The following KCNG1 variants were observed in gnomAD, a reference collection of about 807,000 sequenced individuals.
The protein encoded by KCNG1 is voltage-gated potassium channel regulatory subunit KCNG1.
A neutral mutation model predicts 32.4 loss-of-function variants in KCNG1; 17 were observed. The ratio of observed to expected loss-of-function variants is 0.52; its 90% confidence interval spans 0.36 to 0.79. The LOEUF (loss-of-function observed/expected upper bound fraction) is 0.79, where lower values mean the gene tolerates loss of function less well. Among genes scored for constraint, KCNG1 ranks in the 30% least tolerant of loss-of-function variants. The pLI is 0.00. For synonymous variants in KCNG1, 358 were observed against 339.9 expected (o/e 1.05, Z -0.59); for missense variants, 441 against 735.2 (o/e 0.60, Z 4.63).
intron 2 of KCNG1, among the ~76,000 whole-genome samples, chr20:51,008,923 C>G (rs879513719): frequency 1.3e-5 from 2 of 152,182 alleles, no homozygotes; most frequent in African/African-American, 4.8e-5. Flanking sequence ...GGAGATAAGA[C>G]GTAGTTGGCA....
rs1987736059 is a variant in KCNG1 at position 51,004,395 on chromosome 20, A to G, written c.1186T>C (p.Tyr396His). ...VAIALFAPLL[Y>H]VIENEMADSP... ...TCGGCCATCTCGTTCTCGATGACGT[A>G]GAGCAGGGGCGCGAAGAGGGCGATG... The change falls in exon 3 of 3, where the codon TAC becomes CAC. Residue 396 changes from tyrosine (Y) to histidine (H), a missense_variant. This residue lies in a region of KCNG1 where 169 missense variants were observed against 297.7 expected (regional missense o/e 0.57). Coordinates refer to ENST00000371571, the MANE Select transcript of KCNG1 (RefSeq NM_002237.4). This position sits in a 1 kb window ranked among gnomAD's most constrained non-coding sequence, Gnocchi z 4.3. The G allele has an allele frequency of 6.2e-7, 1 of 1,613,122 alleles. No individual in the cohort carries two copies. Among genetic ancestry groups the G allele is most frequent in the Admixed American group, 1.7e-5 (1 of 59,988 alleles).
chr20:51,012,161 T>C (rs1167853169), intron 1 of KCNG1, among the ~76,000 whole-genome samples: 3 of 152,208 alleles, frequency 2.0e-5, no homozygotes, highest in African/African-American at 7.2e-5. Flanking sequence ...CCACTTGCCA[T>C]AAATCAGAAG....
In KCNG1 at chr20:51,004,525, G is replaced by A. The variant is rs1290973440; in HGVS notation, c.1056C>T (p.Tyr352=). The stretch of plus-strand genomic sequence containing the variant: ...GGGAGTGGCGCGCCAGGCGCATCAC[G>A]TACAGGATGCGCAGCGCCCGCAGCA... The part of the protein sequence containing the change: ...LRVLRALRIL[Y]VMRLARHSLG... The change falls in exon 3 of 3, where the codon TAC becomes TAT. Residue 352 remains tyrosine, a synonymous_variant. Transcript: ENST00000371571. The surrounding 1 kb of genome is among the most constrained non-coding windows in gnomAD (Gnocchi z 4.3). The A allele has an allele frequency of 4.4e-6, 7 of 1,591,494 alleles. No homozygotes were observed. Among genetic ancestry groups the A allele is most frequent in the Non-Finnish European group, 6.0e-6 (7 of 1,170,040 alleles).
rs758172905 is a variant in KCNG1 at position 51,010,170 on chromosome 20, G to A, written c.169C>T (p.Gln57Ter). ...ATCCGACGGCGGCGGTCCTCGGGCTGACAGCCCTGGCGGGGCTCATCCTGC... is the reference window on the plus strand; with the variant it reads ...ATCCGACGGCGGCGGTCCTCGGGCTAACAGCCCTGGCGGGGCTCATCCTGC... ...RPQDEPRQGC[Q>*]PEDRRRRIII... Residue 57 changes from glutamine to a stop codon, truncating the protein, a stop_gained, in exon 2 of 3, where the codon CAG (glutamine) becomes TAG (stop). Transcript: ENST00000371571. LOFTEE classifies it high-confidence loss of function. 6.2e-7 allele frequency: 1 copy of A among 1,607,718 alleles called. No individual in the cohort carries two copies. The highest frequency in any genetic ancestry group is 1.7e-5 in the Admixed American group (1 of 59,908).
At chr20:51,017,699 A>G (rs1988329701) in intron 1 of KCNG1, among the ~76,000 whole-genome samples, 1 of 152,152 alleles carries the variant, frequency 6.6e-6, no homozygotes, top group South Asian at 2.1e-4. Context: ...GAGCATGTTC[A>G]CAGGCTCTCA....
chr20:51,008,968 G>A (rs1365570797), intron 2 of KCNG1, among the ~76,000 whole-genome samples: 1 of 152,198 alleles, frequency 6.6e-6, no homozygotes, highest in Non-Finnish European at 1.5e-5. Context: ...TGAACTCCCA[G>A]ATGAGTGGGA....
rs1031114427 is a variant in KCNG1, at chr20:51,005,149, C to G, written c.775-343G>C. On this transcript the variant is annotated intron_variant, in intron 2 of 2. Transcript: ENST00000371571. The surrounding 1 kb of genome is among the most constrained non-coding windows in gnomAD (Gnocchi z 4.0). ...CTCTGCCCACTGGTGGTTTCCCTCC[C>G]TAGCTTTAGGCAATCCCATCTTTCC... 4 of 233,952 alleles carry G rather than the reference C, an allele frequency of 1.7e-5. No homozygotes were observed. Among genetic ancestry groups the G allele is most frequent in the Non-Finnish European group, 2.5e-5 (3 of 122,418 alleles). 14.5% of individuals were successfully genotyped at this position (233,952 alleles called of 1,614,324 possible). A position where few individuals can be genotyped will look rare whatever the true frequency, so the allele number is the denominator to read the frequency against.
At position 51,010,158 on chromosome 20, in the gene KCNG1, G is replaced by A; in HGVS notation, c.181C>T (p.Arg61Cys). ...ACGTTGATGATGATCCGACGGCGGC[G>A]GTCCTCGGGCTGACAGCCCTGGCGG... ...EPRQGCQPED[R>C]RRRIIINVGG... The change falls in exon 2 of 3, where the codon CGC becomes TGC. Residue 61 changes from arginine (R) to cysteine (C), a missense_variant. Physicochemically the swap from Arg to Cys is radical, Grantham distance 180 (BLOSUM62 -3). This residue lies in a region of KCNG1 where 85 missense variants were observed against 98.2 expected (regional missense o/e 0.87). Coordinates refer to ENST00000371571, the MANE Select transcript of KCNG1 (RefSeq NM_002237.4). The A allele has an allele frequency of 6.2e-7, 1 of 1,609,854 alleles. No homozygotes were observed. Among genetic ancestry groups the A allele is most frequent in the Non-Finnish European group, 8.5e-7 (1 of 1,178,060 alleles).
chr20:51,011,921 C>T lies in KCNG1; in HGVS notation c.-26-1557G>A, dbSNP rs372645879. ...AAGCAATTCTCGTGCCTCAGCCTCC[C>T]GAATAGCTGGGACTACAGGTGTGCC... On this transcript the variant is annotated intron_variant, in intron 1 of 2. Coordinates refer to ENST00000371571, the MANE Select transcript of KCNG1 (RefSeq NM_002237.4). Among the ~76,000 whole-genome samples the T allele has an allele frequency of 3.7e-4, 56 of 152,244 alleles. 2 individuals carry two copies. In the East Asian group the frequency reaches 8.5e-3, roughly 23 times the overall value.
Position 51,011,774 on chromosome 20 carries a change from T to C in KCNG1, c.-26-1410A>G, listed in dbSNP as rs372888918. Among the ~76,000 whole-genome samples the C allele has an allele frequency of 2.9e-4, 44 of 152,290 alleles. No homozygotes were observed. The East Asian group carries it at 6.6e-3, about 23-fold the overall frequency. ...ATTTAATGCAGTGCCTGGCACATAG[T>C]AGGTATTCAGTAACTATTGTCTATT... On this transcript the variant is annotated intron_variant, in intron 1 of 2. Coordinates refer to ENST00000371571, the MANE Select transcript of KCNG1 (RefSeq NM_002237.4).
rs561547195 is a variant in KCNG1, at chr20:51,009,773, A to G, written c.566T>C (p.Leu189Pro). The G allele has an allele frequency of 6.2e-7, 1 of 1,610,964 alleles. No homozygotes were observed. Among genetic ancestry groups the G allele is most frequent in the Admixed American group, 1.7e-5 (1 of 60,018 alleles). ...CTCGCTGTCGCGGCCCTCGCTGTCC[A>G]GCGCGTCGTCCTCTTCCTCCCGCTC... The part of the protein sequence containing the change: ...MVEREEEDDA[L>P]DSEGRDSEGP... Residue 189 changes from leucine to proline, a missense_variant, in exon 2 of 3, where the codon CTG (leucine) becomes CCG (proline). Around this residue, in one of 6 missense-constraint regions of KCNG1, gnomAD observed 52 missense variants for 50.3 expected, o/e 1.03. Transcript: ENST00000371571.
chr20:51,004,898 A>T lies in KCNG1; in HGVS notation c.775-92T>A, dbSNP rs748770026. The stretch of plus-strand genomic sequence containing the variant: ...TGCCCTGTGCCCTGCTGGGCTTCCC[A>T]GGCGGAAGGTGACCTCTCCAGGTTG... On this transcript the variant is annotated intron_variant, in intron 2 of 2. Coordinates refer to ENST00000371571, the MANE Select transcript of KCNG1 (RefSeq NM_002237.4). This position sits in a 1 kb window ranked among gnomAD's most constrained non-coding sequence, Gnocchi z 4.3. The T allele has an allele frequency of 7.4e-6, 10 of 1,345,648 alleles. No homozygotes were observed. Among genetic ancestry groups the T allele is most frequent in the Non-Finnish European group, 9.9e-6 (10 of 1,011,308 alleles). 83.4% of individuals were successfully genotyped at this position (1,345,648 alleles called of 1,614,324 possible). A position where few individuals can be genotyped will look rare whatever the true frequency, so the allele number is the denominator to read the frequency against.
intron 1 of KCNG1, among the ~76,000 whole-genome samples, chr20:51,016,450 G>A (rs1443325528): frequency 6.6e-6 from 1 of 151,978 alleles, no homozygotes; most frequent in African/African-American, 2.4e-5. Context: ...AAAAAAAAGG[G>A]GATGTTGAAA....
intron 1 of KCNG1, among the ~76,000 whole-genome samples, chr20:51,010,794 C>T (rs901461618): frequency 9.2e-5 from 14 of 152,032 alleles, no homozygotes; most frequent in African/African-American, 3.1e-4. Flanking sequence ...ACTAGGGAGG[C>T]TGAGGCATGA....
chr20:51,022,140 T>A (rs1988506309), intron 1 of KCNG1, among the ~76,000 whole-genome samples: 1 of 152,216 alleles, frequency 6.6e-6, no homozygotes, highest in Non-Finnish European at 1.5e-5. Flanking sequence ...CATAAATGTT[T>A]GTGAACTGGA....
At chr20:51,010,773 T>C (rs1988055425) in intron 1 of KCNG1, among the ~76,000 whole-genome samples, 1 of 152,118 alleles carries the variant, frequency 6.6e-6, no homozygotes, top group Non-Finnish European at 1.5e-5. Context: ...CGTGCACCTG[T>C]AATCCTAGCT....
At chr20:51,021,107 G>A (rs962399908) in intron 1 of KCNG1, among the ~76,000 whole-genome samples, 10 of 152,176 alleles carry the variant, frequency 6.6e-5, no homozygotes, top group African/African-American at 9.7e-5. Context: ...TGTAGGCTGC[G>A]GGCCTGGGCT....
At chr20:51,020,647 C>T (rs2123283928) in intron 1 of KCNG1, among the ~76,000 whole-genome samples, 2 of 152,192 alleles carry the variant, frequency 1.3e-5, no homozygotes, top group South Asian at 4.2e-4. Context: ...GGGCTTAATG[C>T]AACAACCAAG....
At position 51,009,952 on chromosome 20, in the gene KCNG1, G is replaced by A. The variant is rs1321919745; in HGVS notation, c.387C>T (p.Thr129=). ...RNPGAFGTIL[T]FLRAGKLRLL... ...GCCGCAGCTTGCCCGCGCGCAGGAA[G>A]GTCAGGATAGTGCCGAAGGCCCCCG... The change falls in exon 2 of 3, where the codon ACC becomes ACT. Residue 129 remains threonine, a synonymous_variant. Transcript: ENST00000371571. 1 of 1,613,918 alleles carries A rather than the reference G, an allele frequency of 6.2e-7. No homozygotes were observed. The highest frequency in any genetic ancestry group is 1.7e-5 in the Admixed American group (1 of 60,024).
Sources: allele counts gnomAD v4.1 joint callset (sites outside exome capture counted in the v4.1 genomes callset), GRCh38; gene constraint gnomAD v4.1.1; regional missense constraint gnomAD v4.1.1; non-coding constraint Gnocchi (gnomAD v3.1); transcripts MANE v1.5; gene names NCBI Gene and HGNC (gene_info 2026-07-23, HGNC 2026-07-21).